Variants in FNDC3B observed in about 807,000 individuals in gnomAD.
FNDC3B encodes fibronectin type III domain containing 3B.
Under a neutral mutation model 151.5 loss-of-function variants are expected in FNDC3B, and 12 were observed. That is an observed-to-expected ratio of 0.08 (90% CI 0.05 to 0.13). The LOEUF (loss-of-function observed/expected upper bound fraction) is 0.13. FNDC3B is among the 10% of genes least tolerant of loss of function. The pLI is 1.00. For synonymous variants in FNDC3B, 528 were observed against 549.0 expected (o/e 0.96, Z 0.54); for missense variants, 1,214 against 1,505.3 (o/e 0.81, Z 3.20).
At chr3:172,260,162 G>A (rs1463178899) in intron 6 of FNDC3B, among the ~76,000 whole-genome samples, 1 of 152,224 alleles carries the variant, frequency 6.6e-6, no homozygotes, top group Non-Finnish European at 1.5e-5. Context: ...GCAGGTATAA[G>A]TGATGATATG....
At chr3:172,229,452 C>T (rs573688496) in intron 4 of FNDC3B, among the ~76,000 whole-genome samples, 1 of 151,946 alleles carries the variant, frequency 6.6e-6, no homozygotes, top group African/African-American at 2.4e-5. Flanking sequence ...ATTATTTCCC[C>T]CTGTCTGGAA....
rs569686515 is a variant in FNDC3B at position 172,109,464 on chromosome 3, C to T, written c.-28-2988C>T. 2.1e-4 allele frequency among the ~76,000 whole-genome samples: 32 copies of T among 152,226 alleles called. No individual in the cohort carries two copies. The East Asian group carries it at 5.6e-3, about 27-fold the overall frequency. Reference sequence around the variant, plus strand: ...TACAGGCGTGAGCCCCGCGCCCGGCCGAAGGCCTTGGATTCTAGCAAGCTG... The same window carrying T: ...TACAGGCGTGAGCCCCGCGCCCGGCTGAAGGCCTTGGATTCTAGCAAGCTG... On this transcript the variant is annotated intron_variant, in intron 1 of 25. Transcript: ENST00000415807.
chr3:172,259,531 C>T (rs1016615447), intron 6 of FNDC3B, among the ~76,000 whole-genome samples: 1 of 152,174 alleles, frequency 6.6e-6, no homozygotes, highest in Admixed American at 6.5e-5. Flanking sequence ...TGACTTGGGC[C>T]TTATCCTGCA....
At chr3:172,255,937 T>C (rs996431762) in intron 6 of FNDC3B, among the ~76,000 whole-genome samples, 3 of 152,244 alleles carry the variant, frequency 2.0e-5, no homozygotes, top group Admixed American at 6.5e-5. Flanking sequence ...CCTCTGAACC[T>C]TAAGAGACTG....
intron 4 of FNDC3B, among the ~76,000 whole-genome samples, chr3:172,239,601 A>C (rs73027389): frequency 0.15 from 22,556 of 151,842 alleles, 1,814 homozygotes; most frequent in Middle Eastern, 0.21. Context: ...CCATCTGGGG[A>C]AGCCTTTTTA....
chr3:172,081,172 A>C (rs1718261918), intron 1 of FNDC3B, among the ~76,000 whole-genome samples: 1 of 152,180 alleles, frequency 6.6e-6, no homozygotes, highest in Admixed American at 6.5e-5. Context: ...TGGTTTACAG[A>C]TGTAAGAACT....
intron 1 of FNDC3B, among the ~76,000 whole-genome samples, chr3:172,064,793 GGT>G (rs1717402694): frequency 6.6e-6 from 1 of 152,204 alleles, no homozygotes; most frequent in Non-Finnish European, 1.5e-5. Flanking sequence ...TTTTGGCAAA[GGT>G]GTTGGGAGAT....
intron 6 of FNDC3B, among the ~76,000 whole-genome samples, chr3:172,260,545 A>T (rs1430958010): frequency 6.6e-6 from 1 of 152,242 alleles, no homozygotes; most frequent in Non-Finnish European, 1.5e-5. Flanking sequence ...GTGAAGAAAG[A>T]CCATGAGATT....
intron 22 of FNDC3B, among the ~76,000 whole-genome samples, chr3:172,353,829 A>G (rs1394429719): frequency 6.6e-6 from 1 of 152,244 alleles, no homozygotes; most frequent in Non-Finnish European, 1.5e-5. Flanking sequence ...CAAGGCTAGT[A>G]TATTGAGCTG....
intron 7 of FNDC3B, among the ~76,000 whole-genome samples, chr3:172,290,463 G>A (rs1730270182): frequency 6.6e-6 from 1 of 152,118 alleles, no homozygotes; most frequent in Non-Finnish European, 1.5e-5. Context: ...TTAGGAATTA[G>A]CCAGCCATCT....
intron 3 of FNDC3B, among the ~76,000 whole-genome samples, chr3:172,195,665 G>A (rs564441104): frequency 8.5e-5 from 13 of 152,312 alleles, no homozygotes; most frequent in Non-Finnish European, 1.9e-4. Flanking sequence ...ATTGTTTAGA[G>A]GTACAATGCA....
chr3:172,260,397 G>C (rs538258345), intron 6 of FNDC3B, among the ~76,000 whole-genome samples: 1 of 152,266 alleles, frequency 6.6e-6, no homozygotes, highest in Non-Finnish European at 1.5e-5. Context: ...CCTTGGGCAT[G>C]ATAGTTCATC....
chr3:172,222,201 A>G (rs546432681), intron 3 of FNDC3B, among the ~76,000 whole-genome samples: 2 of 152,368 alleles, frequency 1.3e-5, no homozygotes, highest in South Asian at 4.1e-4. Flanking sequence ...GTTTATAGAC[A>G]AGCACAATAA....
At chr3:172,370,245 AT>A (rs531391816) in intron 23 of FNDC3B, among the ~76,000 whole-genome samples, 5 of 151,936 alleles carry the variant, frequency 3.3e-5, no homozygotes, top group Admixed American at 2.6e-4. Flanking sequence ...GCATTCTTGG[AT>A]TTTTTTTCAA....
At chr3:172,389,330 A>T (rs920019413) in intron 25 of FNDC3B, among the ~76,000 whole-genome samples, 1 of 152,202 alleles carries the variant, frequency 6.6e-6, no homozygotes, top group Non-Finnish European at 1.5e-5. Flanking sequence ...CTCTAAAAAA[A>T]TCTTCACTGA....
At position 172,098,949 on chromosome 3, in the gene FNDC3B, G is replaced by A. The variant is rs569393466; in HGVS notation, c.-28-13503G>A. Reference sequence around the variant, plus strand: ...TTGAATGGGAGGTTTGTGAGAAGTGGTTTCCCACCAGCACACAATGCTGCC... The same window carrying A: ...TTGAATGGGAGGTTTGTGAGAAGTGATTTCCCACCAGCACACAATGCTGCC... On this transcript the variant is annotated intron_variant, in intron 1 of 25. Transcript: ENST00000415807. Among the ~76,000 whole-genome samples, 4 of 152,280 alleles carry A rather than the reference G, an allele frequency of 2.6e-5. No individual in the cohort carries two copies. The East Asian group carries it at 7.7e-4, about 29-fold the overall frequency.
intron 16 of FNDC3B, chr3:172,337,612 T>C: frequency 2.1e-6 from 1 of 481,296 alleles, no homozygotes; most frequent in Non-Finnish European, 3.7e-6. Context: ...ATTTGTGTTA[T>C]TTAACAATTT....
At chr3:172,318,281 C>A (rs1731912059) in intron 11 of FNDC3B, among the ~76,000 whole-genome samples, 1 of 152,232 alleles carries the variant, frequency 6.6e-6, no homozygotes, top group Non-Finnish European at 1.5e-5. Context: ...ATTAGCAGGT[C>A]AGGCCAGGCC....
chr3:172,352,911 C>G lies in FNDC3B; in HGVS notation c.2623C>G (p.Leu875Val). Reference protein sequence around the residue: ...STLCVLEEEPLDAYPDSPSAC... With the variant: ...STLCVLEEEPVDAYPDSPSAC... ...TCTCTGTGTCCTGGAGGAGGAGCCC[C>G]TTGATGCCTACCCTGATTCACCTTC... The change falls in exon 22 of 26, where the codon CTT (leucine) becomes GTT (valine). Residue 875 changes from leucine (L) to valine (V), a missense_variant. By Grantham distance (32) the Leu-to-Val change is conservative (BLOSUM62 1). Transcript: ENST00000415807. The surrounding 1 kb of genome is among the most constrained non-coding windows in gnomAD (Gnocchi z 4.2). The G allele has an allele frequency of 1.2e-6, 2 of 1,614,178 alleles. No individual in the cohort carries two copies. Among genetic ancestry groups the G allele is most frequent in the East Asian group, 2.2e-5 (1 of 44,884 alleles).
Sources: gnomAD v4.1 joint callset for allele counts (sites outside exome capture counted in the v4.1 genomes callset) on GRCh38, gnomAD v4.1.1 for gene constraint, Gnocchi (gnomAD v3.1) non-coding constraint, MANE v1.5 for transcripts, NCBI Gene and HGNC (gene_info 2026-07-23, HGNC 2026-07-21) for gene names.